Variants in PDE3A observed in about 807,000 individuals in gnomAD.
The protein encoded by PDE3A is cGMP-inhibited 3',5'-cyclic phosphodiesterase 3A.
PDE3A carries 43 observed loss-of-function variants against 98.3 expected under a neutral mutation model. That is an observed-to-expected ratio of 0.44 (90% CI 0.34 to 0.56). PDE3A has a LOEUF of 0.56. Ranked by LOEUF, PDE3A falls within the 20% of genes least tolerant of loss-of-function variation. PDE3A has a pLI of 0.01. For synonymous variants in PDE3A, 663 were observed against 567.9 expected, an observed-to-expected ratio of 1.17 and a Z score of -2.38; for missense variants, 1,427 against 1,440.7, an observed-to-expected ratio of 0.99 and a Z score of 0.15.
chr12:20,420,579 A>C (rs1383366820), intron 1 of PDE3A, among the ~76,000 whole-genome samples: 1 of 152,072 alleles, frequency 6.6e-6, no homozygotes, highest in Non-Finnish European at 1.5e-5. Flanking sequence ...ATTCAGGGCA[A>C]TTGTACACGT....
At chr12:20,382,772 G>A (rs1943685217) in intron 1 of PDE3A, among the ~76,000 whole-genome samples, 1 of 151,974 alleles carries the variant, frequency 6.6e-6, no homozygotes, top group Non-Finnish European at 1.5e-5. Context: ...ATAATGGACA[G>A]AGGTTCTTGT....
Position 20,552,574 on chromosome 12 carries a change from C to T in PDE3A, c.961-4086C>T, listed in dbSNP as rs1942242984. ...CAGGACGGGCAAGGGCAAGTGGAAGCGGAAGTCGGCAGGAGGTGGCCCGAG... is the reference window on the plus strand; with the variant it reads ...CAGGACGGGCAAGGGCAAGTGGAAGTGGAAGTCGGCAGGAGGTGGCCCGAG... On this transcript the variant is annotated intron_variant, in intron 1 of 15. Transcript: ENST00000359062. This position sits in a 1 kb window ranked among gnomAD's most constrained non-coding sequence, Gnocchi z 5.1. The T allele has an allele frequency of 1.2e-6, 2 of 1,613,648 alleles. No individual in the cohort carries two copies. Among genetic ancestry groups the T allele is most frequent in the Non-Finnish European group, 1.7e-6 (2 of 1,179,782 alleles).
At chr12:20,486,570 T>C (rs1945731114) in intron 1 of PDE3A, among the ~76,000 whole-genome samples, 1 of 152,208 alleles carries the variant, frequency 6.6e-6, no homozygotes, top group African/African-American at 2.4e-5. Flanking sequence ...AAGGAAAATA[T>C]GATAGATGTG....
intron 2 of PDE3A, among the ~76,000 whole-genome samples, chr12:20,570,786 TA>T (rs1942785911): frequency 6.6e-6 from 1 of 152,120 alleles, no homozygotes; most frequent in Non-Finnish European, 1.5e-5. Flanking sequence ...GCTCTTCATT[TA>T]ATGGAAATTT....
chr12:20,579,592 T>A (rs959409666), intron 2 of PDE3A, among the ~76,000 whole-genome samples: 2 of 152,164 alleles, frequency 1.3e-5, no homozygotes, highest in Non-Finnish European at 2.9e-5. Flanking sequence ...TACCATATGC[T>A]CCTTCTCTGT....
intron 1 of PDE3A, among the ~76,000 whole-genome samples, chr12:20,385,966 TATTA>T (rs1354619398): frequency 9.4e-6 from 1 of 106,940 alleles, no homozygotes; most frequent in African/African-American, 3.5e-5. Context: ...TTATTAATTA[TATTA>T]ATTATTAATA....
intron 1 of PDE3A, among the ~76,000 whole-genome samples, chr12:20,520,095 A>G (rs753383122): frequency 1.6e-4 from 25 of 152,210 alleles, no homozygotes; most frequent in Non-Finnish European, 3.4e-4. Flanking sequence ...GAATTGCACC[A>G]TAGTCATTGG....
intron 1 of PDE3A, among the ~76,000 whole-genome samples, chr12:20,510,585 G>C (rs1036705315): frequency 2.0e-5 from 3 of 152,096 alleles, no homozygotes; most frequent in African/African-American, 7.2e-5. Context: ...TGAAGACACA[G>C]GATGGATTAG....
intron 1 of PDE3A, among the ~76,000 whole-genome samples, chr12:20,510,028 A>C (rs1003712992): frequency 5.9e-5 from 9 of 151,992 alleles, no homozygotes. Flanking sequence ...AATGTGCTTG[A>C]CATACATTAA....
Position 20,453,689 on chromosome 12 carries a change from G to C in PDE3A, c.960+83445G>C, listed in dbSNP as rs886555346. 2.0e-5 allele frequency among the ~76,000 whole-genome samples: 3 copies of C among 152,094 alleles called. No individual in the cohort carries two copies. The South Asian group carries it at 6.2e-4, about 32-fold the overall frequency. On this transcript the variant is annotated intron_variant, in intron 1 of 15. Coordinates refer to ENST00000359062, the MANE Select transcript of PDE3A (RefSeq NM_000921.5). ...TTGAATATAAGTAGGGATCATGTTC[G>C]GGAAATCATGTTGTTGACACATTGA...
At chr12:20,661,833 G>A (rs906833078) in intron 15 of PDE3A, among the ~76,000 whole-genome samples, 3 of 152,172 alleles carry the variant, frequency 2.0e-5, no homozygotes, top group African/African-American at 7.2e-5. Flanking sequence ...GGGCAGTGTG[G>A]AAGGGAAATG....
chr12:20,658,068 A>G (rs1342446068), intron 15 of PDE3A, among the ~76,000 whole-genome samples: 1 of 152,232 alleles, frequency 6.6e-6, no homozygotes, highest in African/African-American at 2.4e-5. Flanking sequence ...TTTGATTTAT[A>G]ACAAAAACGA....
chr12:20,648,257 T>C (rs910757382), intron 12 of PDE3A, among the ~76,000 whole-genome samples: 4 of 151,000 alleles, frequency 2.6e-5, no homozygotes, highest in Admixed American at 2.0e-4. Flanking sequence ...TCTTGAGGTA[T>C]TGTGGCATTG....
chr12:20,545,777 C>CAAAAAAAA (rs5796868), intron 1 of PDE3A, among the ~76,000 whole-genome samples: 9 of 141,096 alleles, frequency 6.4e-5, no homozygotes, highest in Non-Finnish European at 9.2e-5. Flanking sequence ...TAGTGGCTGC[C>CAAAAAAAA]AAAAAAAAAA....
At chr12:20,462,888 CAA>C (rs1300459995) in intron 1 of PDE3A, among the ~76,000 whole-genome samples, 1 of 151,890 alleles carries the variant, frequency 6.6e-6, no homozygotes, top group African/African-American at 2.4e-5. Flanking sequence ...CTTCCAGGCT[CAA>C]GGGATCCTCC....
At chr12:20,589,256 C>T (rs1426855592) in intron 2 of PDE3A, among the ~76,000 whole-genome samples, 1 of 151,868 alleles carries the variant, frequency 6.6e-6, no homozygotes, top group Non-Finnish European at 1.5e-5. Context: ...GTACTTATTT[C>T]TGGGACAGTT....
At chr12:20,380,965 T>C (rs1164025705) in intron 1 of PDE3A, among the ~76,000 whole-genome samples, 1 of 151,894 alleles carries the variant, frequency 6.6e-6, no homozygotes, top group African/African-American at 2.4e-5. Context: ...GTGTATCATC[T>C]TGAGTAGTGT....
At chr12:20,561,215 G>A (rs1251818506) in intron 2 of PDE3A, among the ~76,000 whole-genome samples, 2 of 151,918 alleles carry the variant, frequency 1.3e-5, no homozygotes, top group African/African-American at 2.4e-5. Context: ...CCAAGATTGC[G>A]CCGCTGCACT....
At chr12:20,417,499 A>G (rs1251906938) in intron 1 of PDE3A, among the ~76,000 whole-genome samples, 2 of 152,206 alleles carry the variant, frequency 1.3e-5, no homozygotes, top group Non-Finnish European at 2.9e-5. Flanking sequence ...TATAAATAAA[A>G]ATTATGGTGT....
Sources: gnomAD v4.1 joint callset for allele counts (sites outside exome capture counted in the v4.1 genomes callset) on GRCh38, gnomAD v4.1.1 for gene constraint, Gnocchi (gnomAD v3.1) non-coding constraint, MANE v1.5 for transcripts, NCBI Gene and HGNC (gene_info 2026-07-23, HGNC 2026-07-21) for gene names.